Variants in PARP6 observed in about 807,000 individuals in gnomAD.
PARP6 encodes the protein poly(ADP-ribose) polymerase family member 6, also known as protein mono-ADP-ribosyltransferase PARP6.
In PARP6, 27 loss-of-function variants were observed where a neutral mutation model predicts 92.0. That is an observed-to-expected ratio of 0.29 (90% confidence interval 0.22 to 0.40). PARP6 has a LOEUF of 0.40. PARP6 is among the 10% of genes least tolerant of loss of function. The pLI is 1.00. For synonymous variants in PARP6, 272 were observed against 281.2 expected, an observed-to-expected ratio of 0.97 and a Z score of 0.33; for missense variants, 501 against 784.5, an observed-to-expected ratio of 0.64 and a Z score of 4.32.
At chr15:72,254,074 G>C (rs2084730206) in intron 15 of PARP6, 1 of 468,666 alleles carries the variant, frequency 2.1e-6, no homozygotes, top group Non-Finnish European at 4.2e-6. Context: ...CCCACCCCTA[G>C]AAGGATAGAA....
chr15:72,267,110 G>A, intron 3 of PARP6: 1 of 508,934 alleles, frequency 2.0e-6, no homozygotes, highest in Non-Finnish European at 3.5e-6. Flanking sequence ...GTAGCCAGTA[G>A]GAAAGAAATG....
At chr15:72,249,351 G>A (rs770062020) in intron 19 of PARP6, 37 bp from the exon 20 acceptor site, 1 of 1,271,082 alleles carries the variant, frequency 7.9e-7, no homozygotes, top group Admixed American at 1.7e-5. Flanking sequence ...ATATGAGCCT[G>A]GGCCCTCCCA....
intron 4 of PARP6, among the ~76,000 whole-genome samples, chr15:72,266,199 TA>T (rs2086571763): frequency 6.6e-6 from 1 of 152,120 alleles, no homozygotes; most frequent in African/African-American, 2.4e-5. Flanking sequence ...ATCATGACTT[TA>T]AAAAGGTTCA....
chr15:72,265,502 G>A, intron 5 of PARP6, 29 bp from the exon 6 acceptor site: 5 of 1,536,716 alleles, frequency 3.3e-6, no homozygotes, highest in South Asian at 2.2e-5. Flanking sequence ...CAACAGGTGA[G>A]ACTCATTAAG....
At chr15:72,253,614 C>A in intron 15 of PARP6, 110 bp from the exon 16 acceptor site, 1 of 850,128 alleles carries the variant, frequency 1.2e-6, no homozygotes, top group Non-Finnish European at 1.9e-6. Context: ...GCACCAAAGG[C>A]CACACAGAGG....
At chr15:72,258,988 A>T (rs1383798124) in intron 11 of PARP6, among the ~76,000 whole-genome samples, 1 of 152,224 alleles carries the variant, frequency 6.6e-6, no homozygotes. Flanking sequence ...TTATAAATTA[A>T]TAACAATTCA....
rs200339105 is a variant in PARP6 at position 72,265,389 on chromosome 15, T to C, written c.237+24A>G. The C allele has an allele frequency of 1.3e-4, 211 of 1,599,120 alleles. 1 individual carries two copies. The highest frequency in any genetic ancestry group is 2.1e-5 in the Non-Finnish European group (25 of 1,166,396). ...TCCACAAGTCCAGCTAGACATGTTG[T>C]TGGCAGGTACTAGCCCCACTTACAT... On this transcript the variant is annotated intron_variant, in intron 6 of 23. Transcript: ENST00000569795.
chr15:72,261,438 A>G, intron 9 of PARP6, 120 bp downstream of exon 9: 1 of 857,696 alleles, frequency 1.2e-6, no homozygotes, highest in Non-Finnish European at 1.9e-6. Context: ...GAGTGGTGTC[A>G]GTAGTTAAAG....
chr15:72,266,420 G>A (rs1468396043), intron 4 of PARP6, among the ~76,000 whole-genome samples: 2 of 152,140 alleles, frequency 1.3e-5, no homozygotes, highest in Non-Finnish European at 2.9e-5. Flanking sequence ...TTAAGCAAAC[G>A]CTGGCAGAGT....
chr15:72,241,808 A>G lies in PARP6; in HGVS notation c.1790+93T>C. On this transcript the variant is annotated intron_variant, in intron 23 of 23. Transcript: ENST00000569795. This position sits in a 1 kb window ranked among gnomAD's most constrained non-coding sequence, Gnocchi z 4.1. ...ACTCAGGTAGCCAAGGACATGTCTC[A>G]GATAACAGAAATAGACTTTTCCCAG... 1 of 957,766 alleles carries G rather than the reference A, an allele frequency of 1.0e-6. No homozygotes were observed. Among genetic ancestry groups the G allele is most frequent in the East Asian group, 2.4e-5 (1 of 41,948 alleles). The allele number at this position is 957,766 out of a possible 1,614,324, so 59.3% of individuals were successfully genotyped here.
At chr15:72,256,334 C>A in intron 14 of PARP6, 131 bp downstream of exon 14, 3 of 647,190 alleles carry the variant, frequency 4.6e-6, no homozygotes, top group Non-Finnish European at 6.8e-6. Context: ...TTTACTGAAA[C>A]AGCTAAATCA....
chr15:72,265,124 C>T lies in PARP6; in HGVS notation c.285G>A (p.Val95=). 6.2e-7 allele frequency: 1 copy of T among 1,613,846 alleles called. No individual in the cohort carries two copies. The highest frequency in any genetic ancestry group is 8.5e-7 in the Non-Finnish European group (1 of 1,179,764). ...AWKVLRTEPI[V]LRLRFSLSQY... is the part of the protein sequence containing the mutation. ...GGGAGAGAGAAAATCGCAGCCTCAA[C>T]ACAATAGGTTCTGTCCGGAGGACCT... Residue 95 remains valine (V), a synonymous_variant, in exon 7 of 24, where the codon GTG becomes GTA. Coordinates refer to ENST00000569795, the MANE Select transcript of PARP6 (RefSeq NM_001323532.2).
At chr15:72,261,342 T>C (rs924901037) in intron 9 of PARP6, among the ~76,000 whole-genome samples, 2 of 152,206 alleles carry the variant, frequency 1.3e-5, no homozygotes, top group Non-Finnish European at 2.9e-5. Context: ...TATCACGAGC[T>C]AGGTATTCTG....
chr15:72,247,231 G>C (rs2083733310), intron 20 of PARP6, among the ~76,000 whole-genome samples: 1 of 152,102 alleles, frequency 6.6e-6, no homozygotes, highest in Non-Finnish European at 1.5e-5. Context: ...CTGGAGTGCA[G>C]TGACATGATC....
At chr15:72,256,039 CA>C (rs1196687444) in intron 14 of PARP6, among the ~76,000 whole-genome samples, 2 of 151,994 alleles carry the variant, frequency 1.3e-5, no homozygotes, top group African/African-American at 4.8e-5. Flanking sequence ...CCTTGTGATC[CA>C]CCTGCCTCAG....
intron 2 of PARP6, 86 bp from the exon 3 acceptor site, chr15:72,267,757 CT>C (rs368211023): frequency 0.017 from 5,291 of 304,006 alleles, no homozygotes; most frequent in South Asian, 0.032. Context: ...TATCAATACA[CT>C]TTTTTTTTTT....
Position 72,249,328 on chromosome 15 carries a change from AC to A in PARP6, c.1492-15del. 6.5e-7 allele frequency: 1 copy of A among 1,547,358 alleles called. No individual in the cohort carries two copies. Among genetic ancestry groups the A allele is most frequent in the Non-Finnish European group, 8.9e-7 (1 of 1,125,136 alleles). On this transcript the variant is annotated splice_polypyrimidine_tract_variant and intron_variant, in intron 19 of 23. Transcript: ENST00000569795. ...TGCTCCATGCAGCTTGCAGGGAAACACCAGGATGAGTAATATGAGCCTGGGC... is the reference window on the plus strand; with the variant it reads ...TGCTCCATGCAGCTTGCAGGGAAACACAGGATGAGTAATATGAGCCTGGGC...
chr15:72,251,288 G>GCTTA, intron 16 of PARP6, 33 bp from the exon 17 acceptor site: 3 of 1,375,944 alleles, frequency 2.2e-6, no homozygotes, highest in African/African-American at 1.4e-5. Flanking sequence ...AAAAAGGATA[G>GCTTA]AATAATTATG....
chr15:72,259,530 G>T, intron 11 of PARP6, 78 bp downstream of exon 11: 1 of 1,086,948 alleles, frequency 9.2e-7, no homozygotes, highest in Non-Finnish European at 1.4e-6. Context: ...ATTTGATTGA[G>T]GAGCTGGGAG....
Sources: allele counts gnomAD v4.1 joint callset (sites outside exome capture counted in the v4.1 genomes callset), GRCh38; gene constraint gnomAD v4.1.1; non-coding constraint Gnocchi (gnomAD v3.1); transcripts MANE v1.5; gene names NCBI Gene and HGNC (gene_info 2026-07-23, HGNC 2026-07-21).